Variants in CCDC186 observed in about 807,000 individuals in gnomAD.
CCDC186 encodes the protein coiled-coil domain containing 186, also known as coiled-coil domain-containing protein 186.
CCDC186 carries 49 observed loss-of-function variants against 113.7 expected under a neutral mutation model. That is an observed-to-expected ratio of 0.43 (90% CI 0.34 to 0.55). The LOEUF (loss-of-function observed/expected upper bound fraction) is 0.55, where lower values mean the gene tolerates loss of function less well. CCDC186 is among the 20% of genes least tolerant of loss of function. The pLI is 0.02. For synonymous variants in CCDC186, 355 were observed against 345.8 expected, an observed-to-expected ratio of 1.03 and a Z score of -0.30; for missense variants, 890 against 1,011.1, an observed-to-expected ratio of 0.88 and a Z score of 1.62.
At chr10:114,159,628 G>A (rs1336535820) in intron 2 of CCDC186, among the ~76,000 whole-genome samples, 10 of 131,446 alleles carry the variant, frequency 7.6e-5, no homozygotes, top group East Asian at 2.3e-4. Flanking sequence ...GTGACAGAGC[G>A]AGACTCCGTC....
chr10:114,164,065 AGTGTGTGTGTGTGTGT>A (rs747232906), intron 1 of CCDC186, among the ~76,000 whole-genome samples: 8 of 107,044 alleles, frequency 7.5e-5, no homozygotes, highest in African/African-American at 1.9e-4. Flanking sequence ...ACCAAGTTAG[AGTGTGTGTGTGTGTGT>A]GTGTGTGTGT....
Position 114,126,009 on chromosome 10 carries a change from G to A in CCDC186, c.2490C>T (p.Ile830=). Residue 830 remains isoleucine, a synonymous_variant, in exon 15 of 16, where the codon ATC becomes ATT. Transcript: ENST00000369287. The part of the protein sequence containing the change: ...NKVHLSRRGG[I]MASLYTSHPA... ...GATGGGATGTATATAAAGATGCCATGATGCCACCCCGTCTACTTAAATGAA... is the reference window on the plus strand; with the variant it reads ...GATGGGATGTATATAAAGATGCCATAATGCCACCCCGTCTACTTAAATGAA... 7 of 1,613,988 alleles carry A rather than the reference G, an allele frequency of 4.3e-6. No individual in the cohort carries two copies. Among genetic ancestry groups the A allele is most frequent in the Non-Finnish European group, 5.9e-6 (7 of 1,179,898 alleles).
At chr10:114,150,658 A>G (rs2031825914) in intron 4 of CCDC186, among the ~76,000 whole-genome samples, 3 of 150,934 alleles carry the variant, frequency 2.0e-5, no homozygotes, top group South Asian at 4.2e-4. Flanking sequence ...ATGACTTACT[A>G]TTTTTTTTTA....
At chr10:114,145,523 C>T (rs757077128) in intron 5 of CCDC186, 26 bp downstream of exon 5, 15 of 1,539,196 alleles carry the variant, frequency 9.7e-6, no homozygotes, top group South Asian at 1.2e-5. Flanking sequence ...ATAAGGTCAA[C>T]ATATTTCAAA....
chr10:114,127,650 C>A lies in CCDC186; in HGVS notation c.2204G>T (p.Ser735Ile). Reference sequence around the variant, plus strand: ...ATTTTCTGGAGATCGATCTTCTGCACTGCTTCGAGCATTCAGGGACCCTGA... The same window carrying A: ...ATTTTCTGGAGATCGATCTTCTGCAATGCTTCGAGCATTCAGGGACCCTGA... ...SSSGSLNARS[S>I]AEDRSPENTG... The change falls in exon 14 of 16, where the codon AGT (serine) becomes ATT (isoleucine). Residue 735 changes from serine to isoleucine, a missense_variant. Coordinates refer to ENST00000369287, the MANE Select transcript of CCDC186 (RefSeq NM_018017.4). 6.2e-7 allele frequency: 1 copy of A among 1,613,858 alleles called. No individual in the cohort carries two copies. Among genetic ancestry groups the A allele is most frequent in the East Asian group, 2.2e-5 (1 of 44,866 alleles).
chr10:114,171,104 T>A lies in CCDC186; in HGVS notation c.-62+2911A>T, dbSNP rs536918902. Reference sequence around the variant, plus strand: ...ATGACTTCCTACTAATACAGAAATCTAATTTGAAGATTGCACTTGCACTTT... The same window carrying A: ...ATGACTTCCTACTAATACAGAAATCAAATTTGAAGATTGCACTTGCACTTT... On this transcript the variant is annotated intron_variant, in intron 1 of 15. Coordinates refer to ENST00000369287, the MANE Select transcript of CCDC186 (RefSeq NM_018017.4). Among the ~76,000 whole-genome samples the A allele has an allele frequency of 2.2e-4, 34 of 152,336 alleles. No individual in the cohort carries two copies. The South Asian group carries it at 7.0e-3, about 32-fold the overall frequency.
chr10:114,136,365 G>C (rs34668207), intron 7 of CCDC186, 119 bp from the exon 8 acceptor site: 2 of 647,640 alleles, frequency 3.1e-6, no homozygotes, highest in Non-Finnish European at 5.3e-6. Flanking sequence ...GTTAGGATAA[G>C]AGACAAGTTC....
At position 114,168,192 on chromosome 10, in the gene CCDC186, C is replaced by T. The variant is rs2032390513; in HGVS notation, c.-61-4863G>A. 3 of 152,310 alleles carry T rather than the reference C, an allele frequency of 2.0e-5. No homozygotes were observed. The South Asian group carries it at 6.2e-4, about 32-fold the overall frequency. 9.4% of individuals were successfully genotyped at this position (152,310 alleles called of 1,614,324 possible). On this transcript the variant is annotated intron_variant, in intron 1 of 15. Transcript: ENST00000369287. ...GACACAGTACTACAGGACCAATTCA[C>T]ACTTCGAAATCATTTCAGTGGGTGA...
chr10:114,158,315 G>A (rs942318888), intron 2 of CCDC186, among the ~76,000 whole-genome samples: 5 of 152,144 alleles, frequency 3.3e-5, no homozygotes, highest in African/African-American at 1.2e-4. Flanking sequence ...ATATCATCTT[G>A]AATTCCCCTA....
intron 4 of CCDC186, 135 bp downstream of exon 4, chr10:114,150,957 C>T: frequency 9.4e-7 from 1 of 1,069,118 alleles, no homozygotes; most frequent in Non-Finnish European, 1.3e-6. Flanking sequence ...GGCCTAATGG[C>T]TTACTTTTAT....
intron 3 of CCDC186, among the ~76,000 whole-genome samples, chr10:114,154,338 T>C (rs1344543329): frequency 6.6e-6 from 1 of 150,964 alleles, no homozygotes; most frequent in Non-Finnish European, 1.5e-5. Context: ...AAAAGAAAGA[T>C]GACTGAAATT....
Position 114,127,542 on chromosome 10 carries a change from G to T in CCDC186, c.2312C>A (p.Ala771Glu). 6.2e-7 allele frequency: 1 copy of T among 1,613,926 alleles called. No individual in the cohort carries two copies. Among genetic ancestry groups the T allele is most frequent in the Non-Finnish European group, 8.5e-7 (1 of 1,179,986 alleles). ...TATCTTTTCATTTTTCCGGGCATGT[G>T]CTTTTTGCAGCCTAACTATTCTCTC... is the stretch of plus-strand genomic sequence containing the variant. ...LIERIVRLQK[A>E]HARKNEKIEF... The change falls in exon 14 of 16, where the codon GCA (alanine) becomes GAA (glutamate). Residue 771 changes from alanine (A) to glutamate (E), a missense_variant. By Grantham distance (107) the Ala-to-Glu change is moderately radical. Transcript: ENST00000369287.
chr10:114,128,612 A>G lies in CCDC186; in HGVS notation c.2183-941T>C, dbSNP rs138897328. Among the ~76,000 whole-genome samples the G allele has an allele frequency of 6.0e-3, 921 of 152,280 alleles. 6 individuals carry two copies. The highest frequency in any genetic ancestry group is 0.021 in the African/African-American group (863 of 41,556). Reference sequence around the variant, plus strand: ...TGGTTTCCTTATCTGTAAAATGGGAATTATAATACCTACCTCACATGAATT... The same window carrying G: ...TGGTTTCCTTATCTGTAAAATGGGAGTTATAATACCTACCTCACATGAATT... On this transcript the variant is annotated intron_variant, in intron 13 of 15. Coordinates refer to ENST00000369287, the MANE Select transcript of CCDC186 (RefSeq NM_018017.4).
intron 1 of CCDC186, among the ~76,000 whole-genome samples, chr10:114,167,799 TAAAAAAAAAAAAA>T (rs60257583): frequency 8.4e-5 from 6 of 71,294 alleles, no homozygotes; most frequent in Non-Finnish European, 1.3e-4. Context: ...CTAATCTCCG[TAAAAAAAAAAAAA>T]AAAAAAAAAA....
chr10:114,159,728 G>A (rs142665230), intron 2 of CCDC186, among the ~76,000 whole-genome samples: 4 of 152,138 alleles, frequency 2.6e-5, no homozygotes, highest in East Asian at 1.9e-4. Flanking sequence ...GCCAGTGTGG[G>A]TGGATAGCCT....
At chr10:114,149,049 G>T (rs564986557) in intron 4 of CCDC186, among the ~76,000 whole-genome samples, 124 of 152,180 alleles carry the variant, frequency 8.1e-4, no homozygotes, top group African/African-American at 2.8e-3. Flanking sequence ...TCAAAAAGTT[G>T]GGAGGAAAAG....
intron 2 of CCDC186, among the ~76,000 whole-genome samples, chr10:114,158,517 A>G (rs1465115912): frequency 1.3e-5 from 2 of 152,144 alleles, no homozygotes; most frequent in African/African-American, 4.8e-5. Flanking sequence ...AGTATTCAAA[A>G]TAAGTCTATG....
In CCDC186 at chr10:114,123,739, A is replaced by C. The variant is rs775465293; in HGVS notation, c.*1404T>G. On this transcript the variant is annotated 3_prime_UTR_variant, in exon 16 of 16. Transcript: ENST00000369287. ...ACAGAAATATTGATACTACGGCAAC[A>C]CTTAAGTGTCTATCTTAAACACTGT... 7 of 152,252 alleles carry C rather than the reference A, an allele frequency of 4.6e-5. No homozygotes were observed. The highest frequency in any genetic ancestry group is 1.0e-4 in the Non-Finnish European group (7 of 68,034). 9.4% of individuals were successfully genotyped at this position (152,252 alleles called of 1,614,324 possible).
At chr10:114,147,030 A>C (rs1288046918) in intron 4 of CCDC186, among the ~76,000 whole-genome samples, 1 of 152,232 alleles carries the variant, frequency 6.6e-6, no homozygotes, top group Non-Finnish European at 1.5e-5. Context: ...TGCATTAGGG[A>C]TATGATAGGC....
Sources: allele counts gnomAD v4.1 joint callset (sites outside exome capture counted in the v4.1 genomes callset), GRCh38; gene constraint gnomAD v4.1.1; transcripts MANE v1.5; gene names NCBI Gene and HGNC (gene_info 2026-07-23, HGNC 2026-07-21).